Variants in LUZP2 observed in about 807,000 individuals in gnomAD.
LUZP2 encodes leucine zipper protein 2.
A neutral mutation model predicts 51.6 loss-of-function variants in LUZP2; 52 were observed. That is an observed-to-expected ratio of 1.01 (90% CI 0.81 to 1.27). LUZP2 has a LOEUF of 1.27. Among genes scored for constraint, LUZP2 ranks in the 50% most tolerant of loss-of-function variants. The pLI is 0.00. For synonymous variants in LUZP2, 154 were observed against 137.3 expected, an observed-to-expected ratio of 1.12 and a Z score of -0.85; for missense variants, 436 against 395.4, an observed-to-expected ratio of 1.10 and a Z score of -0.87.
intron 4 of LUZP2, among the ~76,000 whole-genome samples, chr11:24,744,746 T>C (rs1859314428): frequency 1.3e-5 from 2 of 152,166 alleles, no homozygotes; most frequent in Middle Eastern, 3.2e-3. Context: ...TTTTTTCTTC[T>C]GGGTTTGGGT....
intron 1 of LUZP2, among the ~76,000 whole-genome samples, chr11:24,628,354 T>G (rs1012485400): frequency 2.0e-5 from 3 of 152,142 alleles, no homozygotes; most frequent in African/African-American, 7.2e-5. Flanking sequence ...CAATGTACTA[T>G]GGATTGCCAT....
At chr11:24,938,863 T>C (rs1318862226) in intron 7 of LUZP2, among the ~76,000 whole-genome samples, 1 of 152,142 alleles carries the variant, frequency 6.6e-6, no homozygotes, top group East Asian at 1.9e-4. Context: ...GCTTTGTTGG[T>C]GTTTGACAAT....
chr11:24,961,132 TC>T (rs1354210671), intron 7 of LUZP2, among the ~76,000 whole-genome samples: 7 of 152,202 alleles, frequency 4.6e-5, no homozygotes, highest in African/African-American at 1.7e-4. Context: ...TAATTTCTGT[TC>T]TTTTACATTT....
At chr11:24,758,007 A>T (rs1859837751) in intron 4 of LUZP2, among the ~76,000 whole-genome samples, 1 of 152,142 alleles carries the variant, frequency 6.6e-6, no homozygotes, top group Admixed American at 6.6e-5. Flanking sequence ...AATTCCTAAT[A>T]AATGCAAGTA....
chr11:24,563,162 G>GA (rs1420504693), intron 1 of LUZP2, among the ~76,000 whole-genome samples: 2 of 152,156 alleles, frequency 1.3e-5, no homozygotes, highest in African/African-American at 2.4e-5. Context: ...CTACGAACAA[G>GA]AATGGGTCTG....
intron 1 of LUZP2, among the ~76,000 whole-genome samples, chr11:24,511,503 G>A (rs566920573): frequency 4.3e-4 from 66 of 152,248 alleles, no homozygotes; most frequent in South Asian, 8.3e-4. Flanking sequence ...ATATTTGCTA[G>A]GAGATAGGGA....
At chr11:25,049,219 G>T (rs1858412540) in intron 9 of LUZP2, among the ~76,000 whole-genome samples, 1 of 152,006 alleles carries the variant, frequency 6.6e-6, no homozygotes, top group Admixed American at 6.6e-5. Context: ...GAAGCAGTGT[G>T]ATCAAAGTCT....
intron 5 of LUZP2, among the ~76,000 whole-genome samples, chr11:24,844,630 AT>A (rs2134207294): frequency 6.6e-6 from 1 of 152,256 alleles, no homozygotes; most frequent in Admixed American, 6.5e-5. Flanking sequence ...ACAGCAGCCC[AT>A]CCCATCACAG....
chr11:24,878,641 T>A (rs147754939), intron 5 of LUZP2, among the ~76,000 whole-genome samples: 2 of 151,844 alleles, frequency 1.3e-5, no homozygotes. Context: ...TATTTTATTT[T>A]ATTTTTAATT....
intron 2 of LUZP2, among the ~76,000 whole-genome samples, chr11:24,729,685 G>GT (rs1565103144): frequency 1.3e-5 from 2 of 151,868 alleles, no homozygotes; most frequent in Admixed American, 1.3e-4. Flanking sequence ...ACTGAAATAG[G>GT]TAAATGCCTT....
chr11:24,597,969 C>T (rs1005816424), intron 1 of LUZP2, among the ~76,000 whole-genome samples: 6 of 152,126 alleles, frequency 3.9e-5, no homozygotes, highest in Admixed American at 2.0e-4. Context: ...GGTGTGATGG[C>T]AGGCATCTGT....
chr11:24,884,686 C>A (rs1357341294), intron 5 of LUZP2, among the ~76,000 whole-genome samples: 1 of 151,986 alleles, frequency 6.6e-6, no homozygotes, highest in African/African-American at 2.4e-5. Flanking sequence ...AGAACTAGTA[C>A]AAACTTTTCC....
chr11:24,766,528 G>A (rs1345891146), intron 5 of LUZP2, among the ~76,000 whole-genome samples: 1 of 152,092 alleles, frequency 6.6e-6, no homozygotes, highest in East Asian at 1.9e-4. Flanking sequence ...GCTTTTTGCT[G>A]GGTAAGATGT....
chr11:24,889,652 C>T lies in LUZP2; in HGVS notation c.397-16339C>T, dbSNP rs868318055. 3.9e-5 allele frequency among the ~76,000 whole-genome samples: 6 copies of T among 152,282 alleles called. No individual in the cohort carries two copies. In the Middle Eastern group the frequency reaches 0.01, roughly 259 times the overall value. On this transcript the variant is annotated intron_variant, in intron 5 of 11. Coordinates refer to ENST00000336930, the MANE Select transcript of LUZP2 (RefSeq NM_001009909.4). ...TCAGTATGGTCTTTGAGGACAGTCT[C>T]CCCTGTGCCCCACAGTTGGCTCAGC...
intron 4 of LUZP2, among the ~76,000 whole-genome samples, chr11:24,745,146 G>T (rs1314057027): frequency 6.6e-6 from 1 of 152,128 alleles, no homozygotes; most frequent in African/African-American, 2.4e-5. Context: ...CTATCTTGGA[G>T]AAAGTTGCAT....
At chr11:24,506,575 C>T (rs560637438) in intron 1 of LUZP2, among the ~76,000 whole-genome samples, 1 of 151,844 alleles carries the variant, frequency 6.6e-6, no homozygotes. Context: ...ATATCAAATC[C>T]CTTTTGTGTG....
chr11:24,630,273 G>C (rs191854458), intron 1 of LUZP2, among the ~76,000 whole-genome samples: 4 of 152,000 alleles, frequency 2.6e-5, no homozygotes, highest in African/African-American at 7.2e-5. Flanking sequence ...CCTAGGCCAA[G>C]GTCCAGAAAA....
chr11:25,072,423 T>A (rs1859184795), intron 10 of LUZP2, among the ~76,000 whole-genome samples: 1 of 152,138 alleles, frequency 6.6e-6, no homozygotes, highest in African/African-American at 2.4e-5. Flanking sequence ...GAACTATTTT[T>A]GAAGCTCAAT....
At chr11:24,533,565 GA>G (rs986666172) in intron 1 of LUZP2, among the ~76,000 whole-genome samples, 38 of 151,280 alleles carry the variant, frequency 2.5e-4, no homozygotes, top group Admixed American at 2.1e-3. Context: ...GCTTGGAATT[GA>G]AAATATTTTG....
Sources: allele counts gnomAD v4.1 joint callset (sites outside exome capture counted in the v4.1 genomes callset), GRCh38; gene constraint gnomAD v4.1.1; transcripts MANE v1.5; gene names NCBI Gene and HGNC (gene_info 2026-07-23, HGNC 2026-07-21).